The following DIP2C variants were observed in gnomAD, a reference collection of about 807,000 sequenced individuals.
DIP2C encodes disco-interacting protein 2 homolog C.
In DIP2C, 33 loss-of-function variants were observed where a neutral mutation model predicts 192.4. That is an observed-to-expected ratio of 0.17 (90% CI 0.13 to 0.23). The LOEUF is 0.23. Ranked by LOEUF, DIP2C falls within the 10% of genes least tolerant of loss-of-function variation. DIP2C has a pLI of 1.00. For missense variants in DIP2C, 1,537 were observed against 2,110.1 expected (o/e 0.73, Z 5.32); for synonymous variants, 979 against 864.1 (o/e 1.13, Z -2.33).
chr10:662,005 G>A (rs1177898450), intron 1 of DIP2C: 3 of 712,778 alleles, frequency 4.2e-6, no homozygotes, highest in Non-Finnish European at 7.8e-6. Context: ...TCCTCCTCTC[G>A]CCATGGCGAG....
At chr10:311,582 G>A in intron 31 of DIP2C, 1 of 1,232,470 alleles carries the variant, frequency 8.1e-7, no homozygotes, top group Non-Finnish European at 1.0e-6. Context: ...GCAGCAGAAG[G>A]GTGAGGACGA....
chr10:644,009 A>G (rs556999222), intron 1 of DIP2C, among the ~76,000 whole-genome samples: 5 of 152,346 alleles, frequency 3.3e-5, no homozygotes, highest in African/African-American at 1.2e-4. Flanking sequence ...TGCAGTGAAA[A>G]ATAATAAGTG....
chr10:590,313 GAC>G (rs1396477800), intron 1 of DIP2C, among the ~76,000 whole-genome samples: 1 of 152,220 alleles, frequency 6.6e-6, no homozygotes, highest in Non-Finnish European at 1.5e-5. Context: ...AGTCAAGTGG[GAC>G]AAACTGACTC....
chr10:339,812 A>G (rs970234526), intron 29 of DIP2C, among the ~76,000 whole-genome samples: 4 of 152,182 alleles, frequency 2.6e-5, no homozygotes, highest in African/African-American at 9.7e-5. Context: ...GAATATCGGT[A>G]TTTTTCAAAA....
rs777371776 is a variant in DIP2C, at chr10:419,054, T to C, written c.739+11A>G. 7 of 1,614,106 alleles carry C rather than the reference T, an allele frequency of 4.3e-6. No individual in the cohort carries two copies. The highest frequency in any genetic ancestry group is 1.3e-5 in the African/African-American group (1 of 74,942). On this transcript the variant is annotated intron_variant, in intron 6 of 36. Transcript: ENST00000280886. ...TACCAGAAAAAAACGCATCTCTCCT[T>C]TGGGACGTACCATCCCCGGTCTCCA...
intron 31 of DIP2C, among the ~76,000 whole-genome samples, chr10:312,588 G>A (rs1269187010): frequency 6.6e-6 from 1 of 152,110 alleles, no homozygotes; most frequent in Non-Finnish European, 1.5e-5. Context: ...TCACAACAGA[G>A]CCAAGTCTAT....
At chr10:672,198 AAAGAAACACCACCGACGCAGGGACGG>A (rs960216275) in intron 1 of DIP2C, among the ~76,000 whole-genome samples, 1 of 151,212 alleles carries the variant, frequency 6.6e-6, no homozygotes, top group African/African-American at 2.4e-5. Flanking sequence ...CACACGGACG[AAAGAAACACCACCGACGCAGGGACGG>A]AAGAAACACC....
At chr10:368,834 T>G (rs1173573351) in intron 18 of DIP2C, among the ~76,000 whole-genome samples, 2 of 152,138 alleles carry the variant, frequency 1.3e-5, no homozygotes, top group Non-Finnish European at 2.9e-5. Flanking sequence ...AAGAGACGGG[T>G]TCCCTTTCTG....
At chr10:400,843 T>A (rs1964371167) in intron 9 of DIP2C, among the ~76,000 whole-genome samples, 8 of 151,638 alleles carry the variant, frequency 5.3e-5, no homozygotes, top group Admixed American at 4.6e-4. Context: ...CCTCACCACA[T>A]GAATCCTGTG....
chr10:422,761 G>T, intron 5 of DIP2C, 63 bp downstream of exon 5: 1 of 1,535,240 alleles, frequency 6.5e-7, no homozygotes, highest in Middle Eastern at 2.4e-4. Context: ...TGCAAACAGA[G>T]AATGTGCACA....
At chr10:436,044 A>G (rs1247776416) in intron 4 of DIP2C, among the ~76,000 whole-genome samples, 2 of 152,198 alleles carry the variant, frequency 1.3e-5, no homozygotes, top group African/African-American at 4.8e-5. Flanking sequence ...ACTTTCAATA[A>G]GAAATACAAA....
chr10:299,204 T>C (rs866838742), intron 32 of DIP2C, among the ~76,000 whole-genome samples: 1 of 152,344 alleles, frequency 6.6e-6, no homozygotes, highest in South Asian at 2.1e-4. Context: ...TCAAGGTAAG[T>C]GTGGATTTCC....
intron 1 of DIP2C, among the ~76,000 whole-genome samples, chr10:592,061 C>T (rs978652515): frequency 6.6e-6 from 1 of 152,168 alleles, no homozygotes; most frequent in Non-Finnish European, 1.5e-5. Context: ...ACATTCATAG[C>T]CATGTGTTCT....
intron 17 of DIP2C, among the ~76,000 whole-genome samples, chr10:380,496 A>C (rs1355208017): frequency 6.6e-6 from 1 of 152,256 alleles, no homozygotes; most frequent in Non-Finnish European, 1.5e-5. Flanking sequence ...GATGATGGTT[A>C]ACACGCAGGA....
At chr10:542,718 T>C (rs576955648) in intron 1 of DIP2C, among the ~76,000 whole-genome samples, 3 of 150,702 alleles carry the variant, frequency 2.0e-5, no homozygotes, top group Non-Finnish European at 1.5e-5. Context: ...CCACAGGTCA[T>C]CAGATCCCAG....
At chr10:344,079 G>A (rs528294827) in intron 28 of DIP2C, among the ~76,000 whole-genome samples, 6 of 152,298 alleles carry the variant, frequency 3.9e-5, no homozygotes, top group Non-Finnish European at 5.9e-5. Context: ...TACGTCAGAC[G>A]CTGAGACTAT....
chr10:340,923 G>A (rs1457462829), intron 29 of DIP2C: 2 of 529,272 alleles, frequency 3.8e-6, no homozygotes, highest in Non-Finnish European at 7.3e-6. Flanking sequence ...CAAGCCTGGA[G>A]CCTGGGAGTC....
chr10:613,754 G>A (rs940790969), intron 1 of DIP2C, among the ~76,000 whole-genome samples: 31 of 152,072 alleles, frequency 2.0e-4, no homozygotes, highest in African/African-American at 4.6e-4. Flanking sequence ...ATGGCATTTC[G>A]CACACCTGCT....
rs552774942 is a variant in DIP2C at position 441,041 on chromosome 10, C to T, written c.269-45G>A. On this transcript the variant is annotated intron_variant, in intron 3 of 36. Coordinates refer to ENST00000280886, the MANE Select transcript of DIP2C (RefSeq NM_014974.3). ...GTCACTCAGTGCTCAGCTGAGGTCC[C>T]AGAGGCCAAGCTGCACCCTCCTCTC... 1.0e-5 allele frequency: 16 copies of T among 1,585,996 alleles called. No homozygotes were observed. The South Asian group carries it at 1.6e-4, about 16-fold the overall frequency.
Sources: gnomAD v4.1 joint callset for allele counts (sites outside exome capture counted in the v4.1 genomes callset) on GRCh38, gnomAD v4.1.1 for gene constraint, MANE v1.5 for transcripts, NCBI Gene and HGNC (gene_info 2026-07-23, HGNC 2026-07-21) for gene names.